SNRPD1: variants seen among roughly 807,000 people sequenced by gnomAD.
SNRPD1 encodes small nuclear ribonucleoprotein D1 polypeptide.
A neutral mutation model predicts 14.4 loss-of-function variants in SNRPD1; 1 was observed. That is an observed-to-expected ratio of 0.07 (90% CI 0.02 to 0.33). SNRPD1 has a LOEUF of 0.33. Among genes scored for constraint, SNRPD1 ranks in the 10% least tolerant of loss-of-function variants. The pLI, the probability that SNRPD1 is intolerant of heterozygous loss-of-function variation, is 1.00. For synonymous variants in SNRPD1, 42 were observed against 50.3 expected (o/e 0.83, Z 0.70); for missense variants, 52 against 146.4 (o/e 0.36, Z 3.33).
intron 3 of SNRPD1, among the ~76,000 whole-genome samples, chr18:21,627,346 C>T (rs1022249612): frequency 6.6e-6 from 1 of 151,492 alleles, no homozygotes; most frequent in African/African-American, 2.4e-5. Flanking sequence ...AACTCTTGGT[C>T]TCAAACAATC....
At chr18:21,626,090 C>T (rs117495621) in intron 3 of SNRPD1, among the ~76,000 whole-genome samples, 223 of 152,066 alleles carry the variant, frequency 1.5e-3, no homozygotes, top group African/African-American at 5.1e-3. Flanking sequence ...TAAAATAGTA[C>T]GGTTTAAAAT....
chr18:21,622,897 C>A lies in SNRPD1; in HGVS notation c.91+96C>A, dbSNP rs964442863. On this transcript the variant is annotated intron_variant, in intron 2 of 3. Transcript: ENST00000300413. ...TTGCTTAATGAACATTATTGTAGTA[C>A]AAATCCTTATTTTTTTTGTCTGAAT... is the stretch of plus-strand genomic sequence containing the variant. 153 of 570,154 alleles carry A rather than the reference C, an allele frequency of 2.7e-4. No homozygotes were observed. In the East Asian group the frequency reaches 4.3e-3, roughly 16 times the overall value. The allele number at this position is 570,154 out of a possible 1,614,324, so 35.3% of individuals were successfully genotyped here.
intron 1 of SNRPD1, among the ~76,000 whole-genome samples, chr18:21,616,420 C>T (rs566768957): frequency 2.0e-5 from 3 of 151,930 alleles, no homozygotes; most frequent in Admixed American, 6.6e-5. Flanking sequence ...TACAATTGTG[C>T]GATCTCAGCT....
Position 21,630,487 on chromosome 18 carries a change from TG to T in SNRPD1, c.*1350del, listed in dbSNP as rs2039073512. 1 of 151,650 alleles carries T rather than the reference TG, an allele frequency of 6.6e-6. No individual in the cohort carries two copies. 9.4% of individuals were successfully genotyped at this position (151,650 alleles called of 1,614,324 possible). ...TTACCTTAAAAAAGTTTAGCCTGGGTGTGGTGGCTCACGCCTGTAATCCCAG... is the reference window on the plus strand; with the variant it reads ...TTACCTTAAAAAAGTTTAGCCTGGGTTGGTGGCTCACGCCTGTAATCCCAG... On this transcript the variant is annotated 3_prime_UTR_variant, in exon 4 of 4. Coordinates refer to ENST00000300413, the MANE Select transcript of SNRPD1 (RefSeq NM_006938.4).
Position 21,612,410 on chromosome 18 carries a change from A to G in SNRPD1, c.-20A>G. 6.5e-7 allele frequency: 1 copy of G among 1,549,998 alleles called. No individual in the cohort carries two copies. Among genetic ancestry groups the G allele is most frequent in the Non-Finnish European group, 8.8e-7 (1 of 1,139,974 alleles). Reference sequence around the variant, plus strand: ...GGATTCTGTGTGCTGTCGGACCCAGAGGGTGACGGCGCCGCTAGGATGAAG... The same window carrying G: ...GGATTCTGTGTGCTGTCGGACCCAGGGGGTGACGGCGCCGCTAGGATGAAG... On this transcript the variant is annotated 5_prime_UTR_variant, in exon 1 of 4. Transcript: ENST00000300413.
At chr18:21,617,088 C>T (rs1398421588) in intron 1 of SNRPD1, among the ~76,000 whole-genome samples, 3 of 152,128 alleles carry the variant, frequency 2.0e-5, no homozygotes, top group African/African-American at 4.8e-5. Flanking sequence ...TATGGATTTC[C>T]AGTTATTCCA....
At chr18:21,623,282 G>A (rs1443784294) in intron 2 of SNRPD1, among the ~76,000 whole-genome samples, 5 of 152,090 alleles carry the variant, frequency 3.3e-5, no homozygotes, top group Non-Finnish European at 5.9e-5. Context: ...TGGTAGAGAC[G>A]GGGTTTCATC....
chr18:21,617,162 C>A (rs1044102965), intron 1 of SNRPD1, among the ~76,000 whole-genome samples: 1 of 150,568 alleles, frequency 6.6e-6, no homozygotes, highest in Non-Finnish European at 1.5e-5. Flanking sequence ...TGTAAAAAAT[C>A]AACCATATAA....
At chr18:21,624,764 C>T (rs1430197686) in intron 3 of SNRPD1, among the ~76,000 whole-genome samples, 4 of 151,644 alleles carry the variant, frequency 2.6e-5, no homozygotes, top group Non-Finnish European at 4.4e-5. Context: ...ATCTCTCTCT[C>T]GGTCCTTTAT....
At chr18:21,624,015 G>A (rs2039016680) in intron 3 of SNRPD1, 76 bp downstream of exon 3, 1 of 827,086 alleles carries the variant, frequency 1.2e-6, no homozygotes, top group Non-Finnish European at 1.9e-6. Context: ...GATATTATTT[G>A]CAAACAACAC....
intron 3 of SNRPD1, among the ~76,000 whole-genome samples, chr18:21,628,455 A>G (rs1002067181): frequency 6.6e-6 from 1 of 152,222 alleles, no homozygotes; most frequent in Non-Finnish European, 1.5e-5. Context: ...TGAAGATGAA[A>G]TAAGTTTATT....
intron 1 of SNRPD1, among the ~76,000 whole-genome samples, chr18:21,616,581 C>T (rs1395396263): frequency 6.6e-6 from 1 of 151,644 alleles, no homozygotes; most frequent in South Asian, 2.1e-4. Context: ...TGGTCTCGAA[C>T]TCCTGACCTT....
intron 3 of SNRPD1, among the ~76,000 whole-genome samples, chr18:21,624,859 A>G (rs1216395452): frequency 6.6e-6 from 1 of 152,096 alleles, no homozygotes; most frequent in Non-Finnish European, 1.5e-5. Flanking sequence ...AAATGGTAGT[A>G]GTGTTTCAGT....
rs77616820 is a variant in SNRPD1, at chr18:21,620,654, A to G, written c.15-2071A>G. 1.1e-3 allele frequency among the ~76,000 whole-genome samples: 166 copies of G among 152,318 alleles called. 1 individual carries two copies. The East Asian group carries it at 0.028, about 25-fold the overall frequency. ...CACTATTTTTTTACAATCTTGGCAT[A>G]GAAAAAACCCTTTCTTAGGTAAATT... On this transcript the variant is annotated intron_variant, in intron 1 of 3. Transcript: ENST00000300413.
In SNRPD1 at chr18:21,631,268, T is replaced by C. The variant is rs1302595548; in HGVS notation, c.*2130T>C. 2 of 151,882 alleles carry C rather than the reference T, an allele frequency of 1.3e-5. No homozygotes were observed. Among genetic ancestry groups the C allele is most frequent in the African/African-American group, 2.4e-5 (1 of 41,390 alleles). The allele number at this position is 151,882 out of a possible 1,614,324, so 9.4% of individuals were successfully genotyped here. Reference sequence around the variant, plus strand: ...CCTCAGCCTCCAGAGTAGCTGGGATTATAAGCGTGCGCCACCACACCCAGC... The same window carrying C: ...CCTCAGCCTCCAGAGTAGCTGGGATCATAAGCGTGCGCCACCACACCCAGC... On this transcript the variant is annotated 3_prime_UTR_variant, in exon 4 of 4. Transcript: ENST00000300413.
At position 21,630,475 on chromosome 18, in the gene SNRPD1, G is replaced by A. The variant is rs1339234189; in HGVS notation, c.*1337G>A. 4 of 151,390 alleles carry A rather than the reference G, an allele frequency of 2.6e-5. No homozygotes were observed. The highest frequency in any genetic ancestry group is 5.9e-5 in the Non-Finnish European group (4 of 67,872). The allele number at this position is 151,390 out of a possible 1,614,324, so 9.4% of individuals were successfully genotyped here. On this transcript the variant is annotated 3_prime_UTR_variant, in exon 4 of 4. Coordinates refer to ENST00000300413, the MANE Select transcript of SNRPD1 (RefSeq NM_006938.4). ...CTGCAAAGATCGTTACCTTAAAAAA[G>A]TTTAGCCTGGGTGTGGTGGCTCACG...
At chr18:21,628,039 C>G (rs570897603) in intron 3 of SNRPD1, among the ~76,000 whole-genome samples, 1 of 152,240 alleles carries the variant, frequency 6.6e-6, no homozygotes, top group African/African-American at 2.4e-5. Flanking sequence ...GCATCTTAAA[C>G]TTACTATTTA....
At chr18:21,614,098 C>T (rs1244114546) in intron 1 of SNRPD1, among the ~76,000 whole-genome samples, 4 of 151,636 alleles carry the variant, frequency 2.6e-5, no homozygotes, top group South Asian at 4.1e-4. Flanking sequence ...CGTGGTGAAA[C>T]CCATTCTTTC....
Position 21,625,316 on chromosome 18 carries a change from A to ATTTTTTTTTTTTTTTTTTTT in SNRPD1, c.283+1394_283+1395insTTTTTTTTTTTTTTTTTTTT, listed in dbSNP as rs144395165. 2.7e-4 allele frequency among the ~76,000 whole-genome samples: 30 copies of ATTTTTTTTTTTTTTTTTTTT among 109,106 alleles called. 1 individual carries two copies. The highest frequency in any genetic ancestry group is 6.0e-4 in the African/African-American group (12 of 20,086). The allele number at this position is 109,106 out of a possible 152,430, so 71.6% of individuals were successfully genotyped here. On this transcript the variant is annotated intron_variant, in intron 3 of 3. Coordinates refer to ENST00000300413, the MANE Select transcript of SNRPD1 (RefSeq NM_006938.4). ...TCTATTTAAAATTTTGTTGAAAAAA[A>ATTTTTTTTTTTTTTTTTTTT]TTTTTTTTTTTTTTTTTGAGATGGA... is the stretch of plus-strand genomic sequence containing the variant.
Sources: allele counts gnomAD v4.1 joint callset (sites outside exome capture counted in the v4.1 genomes callset), GRCh38; gene constraint gnomAD v4.1.1; transcripts MANE v1.5; gene names NCBI Gene and HGNC (gene_info 2026-07-23, HGNC 2026-07-21).